SMC5: variants seen among roughly 807,000 people sequenced by gnomAD.
SMC5 encodes the protein structural maintenance of chromosomes 5.
In SMC5, 88 loss-of-function variants were observed where a neutral mutation model predicts 148.3. The ratio of observed to expected loss-of-function variants is 0.59; its 90% CI spans 0.50 to 0.71. The LOEUF (loss-of-function observed/expected upper bound fraction) is 0.71, where lower values mean the gene tolerates loss of function less well. Among genes scored for constraint, SMC5 ranks in the 30% least tolerant of loss-of-function variants. The pLI, the probability that SMC5 is intolerant of heterozygous loss-of-function variation, is 0.00. For missense variants in SMC5, 1,142 were observed against 1,298.9 expected (o/e 0.88, Z 1.86); for synonymous variants, 421 against 432.8 (o/e 0.97, Z 0.34).
intron 1 of SMC5, among the ~76,000 whole-genome samples, chr9:70,259,832 C>T (rs531384655): frequency 7.2e-5 from 11 of 152,256 alleles, no homozygotes; most frequent in African/African-American, 2.2e-4. Context: ...GTTCCTCCCT[C>T]TCCCCTTCAG....
intron 9 of SMC5, among the ~76,000 whole-genome samples, chr9:70,299,056 G>A (rs1344656499): frequency 1.3e-5 from 2 of 151,476 alleles, no homozygotes; most frequent in African/African-American, 4.8e-5. Flanking sequence ...TGTCAGTATT[G>A]CTTCAGTCCA....
intron 5 of SMC5, among the ~76,000 whole-genome samples, chr9:70,279,550 C>T (rs1171597837): frequency 1.3e-5 from 2 of 152,066 alleles, no homozygotes; most frequent in African/African-American, 4.8e-5. Flanking sequence ...GGTGTGGTGG[C>T]TCACGCCTGT....
Position 70,350,162 on chromosome 9 carries a change from A to C in SMC5, c.2938A>C (p.Ser980Arg), listed in dbSNP as rs761827285. Residue 980 changes from serine (S) to arginine (R), a missense_variant, in exon 23 of 25, where the codon AGT becomes CGT. Ser to Arg is a moderately radical substitution (Grantham distance 110). Transcript: ENST00000361138. ...TCGAATTAGAGTCAAATTTCGAAGT[A>C]GTACTCAACTGCATGAATTAACTCC... Reference protein sequence around the residue: ...GIRIRVKFRSSTQLHELTPHH... With the variant: ...GIRIRVKFRSRTQLHELTPHH... 4 of 1,611,764 alleles carry C rather than the reference A, an allele frequency of 2.5e-6. No individual in the cohort carries two copies. The highest frequency in any genetic ancestry group is 3.4e-6 in the Non-Finnish European group (4 of 1,179,108).
chr9:70,282,671 G>A, intron 7 of SMC5, 88 bp downstream of exon 7: 1 of 1,289,524 alleles, frequency 7.8e-7, no homozygotes, highest in Non-Finnish European at 1.0e-6. Context: ...ATATTTTCAA[G>A]GGTTTTCTTG....
chr9:70,348,020 T>C lies in SMC5; in HGVS notation c.2871T>C (p.Asp957=). 1.3e-6 allele frequency: 2 copies of C among 1,582,570 alleles called. No individual in the cohort carries two copies. Among genetic ancestry groups the C allele is most frequent in the Non-Finnish European group, 1.7e-6 (2 of 1,170,788 alleles). Residue 957 remains aspartate, a synonymous_variant, in exon 22 of 25, where the codon GAT becomes GAC. Transcript: ENST00000361138. ...FSSMQCAGEV[D]LHTENEEDYD... ...CCATGCAGTGTGCTGGTGAAGTTGA[T>C]CTCCATACAGAAAATGAGGTAAAAT... is the stretch of plus-strand genomic sequence containing the variant.
At chr9:70,324,294 C>T (rs1469455431) in intron 17 of SMC5, 151 bp downstream of exon 17, 2 of 723,852 alleles carry the variant, frequency 2.8e-6, no homozygotes, top group African/African-American at 1.9e-5. Flanking sequence ...GGAAGTAATA[C>T]TTAAAATACT....
intron 22 of SMC5, among the ~76,000 whole-genome samples, chr9:70,349,613 C>T (rs932288636): frequency 1.5e-4 from 23 of 151,870 alleles, no homozygotes; most frequent in African/African-American, 5.3e-4. Flanking sequence ...TGTTTTTTTC[C>T]TTCTTAACCG....
chr9:70,279,475 C>T (rs537235832), intron 5 of SMC5, among the ~76,000 whole-genome samples: 1 of 152,094 alleles, frequency 6.6e-6, no homozygotes, highest in East Asian at 1.9e-4. Flanking sequence ...GCTGTGATTG[C>T]ACCACTGCAT....
intron 17 of SMC5, among the ~76,000 whole-genome samples, chr9:70,338,707 C>T (rs926525080): frequency 2.0e-5 from 3 of 152,116 alleles, no homozygotes; most frequent in Admixed American, 1.3e-4. Flanking sequence ...TTTCCCGTAT[C>T]GTTTGTTCAC....
chr9:70,311,553 ACT>A (rs2035657926), intron 11 of SMC5: 1 of 152,104 alleles, frequency 6.6e-6, no homozygotes, highest in African/African-American at 2.4e-5. Flanking sequence ...GGCATTTTAG[ACT>A]TTTTTTGACA....
intron 15 of SMC5, among the ~76,000 whole-genome samples, chr9:70,320,875 A>G (rs377251614): frequency 2.0e-5 from 3 of 152,346 alleles, no homozygotes; most frequent in Admixed American, 2.0e-4. Flanking sequence ...GAATCTAAGA[A>G]CTAGTATACT....
intron 15 of SMC5, among the ~76,000 whole-genome samples, chr9:70,321,058 G>A (rs2035931141): frequency 6.6e-6 from 1 of 152,142 alleles, no homozygotes; most frequent in Admixed American, 6.5e-5. Context: ...AATAGTTTCA[G>A]GTATCCCCAG....
rs1035965373 is a variant in SMC5 at position 70,346,731 on chromosome 9, G to A, written c.2568+82G>A. On this transcript the variant is annotated intron_variant, in intron 19 of 24. Transcript: ENST00000361138. Reference sequence around the variant, plus strand: ...CCCTAGCCATTTGCTTTAAGGCCCGGAGATGAATTCTAGGCCTTTGAATTC... The same window carrying A: ...CCCTAGCCATTTGCTTTAAGGCCCGAAGATGAATTCTAGGCCTTTGAATTC... 12 of 1,417,424 alleles carry A rather than the reference G, an allele frequency of 8.5e-6. No individual in the cohort carries two copies. The African/African-American group carries it at 1.7e-4, about 20-fold the overall frequency. 87.8% of individuals were successfully genotyped at this position (1,417,424 alleles called of 1,614,324 possible).
rs544056515 is a variant in SMC5, at chr9:70,314,788, A to G, written c.1625A>G (p.Lys542Arg). ...AGAGTAAATGCTGTTATTGCTCCCA[A>G]GAGTTCATATGCAGACAAAGCACCT... ...KLRVNAVIAP[K>R]SSYADKAPSR... is the part of the protein sequence containing the mutation. Residue 542 changes from lysine (K) to arginine (R), a missense_variant, in exon 12 of 25, where the codon AAG (lysine) becomes AGG (arginine). Physicochemically the swap from Lys to Arg is conservative, Grantham distance 26 (BLOSUM62 2). Coordinates refer to ENST00000361138, the MANE Select transcript of SMC5 (RefSeq NM_015110.4). The G allele has an allele frequency of 3.8e-6, 6 of 1,579,292 alleles. No homozygotes were observed. The highest frequency in any genetic ancestry group is 2.7e-5 in the African/African-American group (2 of 73,798).
chr9:70,284,773 T>C (rs1361869115), intron 7 of SMC5, among the ~76,000 whole-genome samples: 1 of 152,196 alleles, frequency 6.6e-6, no homozygotes, highest in Admixed American at 6.5e-5. Flanking sequence ...ATAGTAAAAG[T>C]AGTTATTAGC....
At chr9:70,297,780 T>C (rs183346163) in intron 8 of SMC5, among the ~76,000 whole-genome samples, 186 bp from the exon 9 acceptor site, 3 of 152,320 alleles carry the variant, frequency 2.0e-5, no homozygotes, top group Admixed American at 1.3e-4. Context: ...TTAGTGAATG[T>C]GTGAAACAAA....
chr9:70,318,560 A>G lies in SMC5; in HGVS notation c.1853A>G (p.Lys618Arg). The part of the protein sequence containing the change: ...RLKQIYTAEE[K>R]YVVKTSFYSN... ...AAACAGATTTATACAGCAGAAGAAAAGTATGTGGTGAAAACTTCTTTTTAT... is the reference window on the plus strand; with the variant it reads ...AAACAGATTTATACAGCAGAAGAAAGGTATGTGGTGAAAACTTCTTTTTAT... Residue 618 changes from lysine (K) to arginine (R), a missense_variant, in exon 14 of 25, where the codon AAG (lysine) becomes AGG (arginine). By Grantham distance (26) the Lys-to-Arg change is conservative (BLOSUM62 2). Around this residue, in one of 5 missense-constraint regions of SMC5, gnomAD observed 743 missense variants for 835.7 expected, o/e 0.89. Transcript: ENST00000361138. 1.2e-6 allele frequency: 2 copies of G among 1,611,692 alleles called. No individual in the cohort carries two copies. Among genetic ancestry groups the G allele is most frequent in the Non-Finnish European group, 1.7e-6 (2 of 1,178,906 alleles).
chr9:70,265,269 G>C (rs2034258808), intron 2 of SMC5, among the ~76,000 whole-genome samples: 1 of 152,110 alleles, frequency 6.6e-6, no homozygotes, highest in Non-Finnish European at 1.5e-5. Flanking sequence ...GACCAGCCTG[G>C]TCAACATGGT....
chr9:70,290,895 A>C (rs1219832070), intron 8 of SMC5, among the ~76,000 whole-genome samples: 3 of 152,210 alleles, frequency 2.0e-5, no homozygotes, highest in Non-Finnish European at 4.4e-5. Context: ...CCTTTGTCTT[A>C]TAAGTCCATT....
Sources: gnomAD v4.1 joint callset for allele counts (sites outside exome capture counted in the v4.1 genomes callset) on GRCh38, gnomAD v4.1.1 for gene constraint, gnomAD v4.1.1 regional missense constraint, MANE v1.5 for transcripts, NCBI Gene and HGNC (gene_info 2026-07-23, HGNC 2026-07-21) for gene names.